The following TMEM114 variants were observed in gnomAD, a reference collection of about 807,000 sequenced individuals.
The protein encoded by TMEM114 is transmembrane protein 114.
In TMEM114, 6 loss-of-function variants were observed where a neutral mutation model predicts 6.2. That is an observed-to-expected ratio of 0.97 (90% CI 0.53 to 1.91). TMEM114 has a LOEUF of 1.91. Ranked by LOEUF, TMEM114 falls within the 40% of genes most tolerant of loss-of-function variation. The pLI, the probability that TMEM114 is intolerant of heterozygous loss-of-function variation, is 0.01. For synonymous variants in TMEM114, 104 were observed against 73.0 expected, an observed-to-expected ratio of 1.42 and a Z score of -2.16; for missense variants, 218 against 158.3, an observed-to-expected ratio of 1.38 and a Z score of -2.02.
chr16:8,550,412 G>A (rs1900803511), intron 2 of TMEM114, among the ~76,000 whole-genome samples: 2 of 152,048 alleles, frequency 1.3e-5, no homozygotes, highest in South Asian at 4.2e-4. Context: ...CGGGTGCGGT[G>A]GCTCACGCCT....
At chr16:8,579,887 A>G (rs1371212401) in intron 2 of TMEM114, among the ~76,000 whole-genome samples, 1 of 152,176 alleles carries the variant, frequency 6.6e-6, no homozygotes, top group Non-Finnish European at 1.5e-5. Context: ...AGACATGGAC[A>G]CGTACTCCAG....
At chr16:8,558,479 G>C (rs565825638) in intron 2 of TMEM114, among the ~76,000 whole-genome samples, 1 of 152,060 alleles carries the variant, frequency 6.6e-6, no homozygotes, top group African/African-American at 2.4e-5. Flanking sequence ...CCAGTCATTG[G>C]TTTTAGGGCC....
At chr16:8,582,486 C>G (rs1157617567) in intron 2 of TMEM114, among the ~76,000 whole-genome samples, 2 of 152,190 alleles carry the variant, frequency 1.3e-5, no homozygotes, top group East Asian at 3.8e-4. Flanking sequence ...ACTCTGAACC[C>G]CAGAAACAGG....
At chr16:8,558,612 A>G (rs1901092725) in intron 2 of TMEM114, among the ~76,000 whole-genome samples, 1 of 152,202 alleles carries the variant, frequency 6.6e-6, no homozygotes, top group Admixed American at 6.5e-5. Context: ...TTTTTGGGGC[A>G]CATGCTTGAA....
the TMEM114 span, among the ~76,000 whole-genome samples, chr16:8,527,146 G>A: frequency 7.9e-5 from 12 of 152,216 alleles, no homozygotes; most frequent in Non-Finnish European, 7.3e-5. Context: ...GGTGGGGGTT[G>A]CAGTGAGCCA....
the TMEM114 span, among the ~76,000 whole-genome samples, chr16:8,529,867 C>T: frequency 6.6e-6 from 1 of 152,136 alleles, no homozygotes; most frequent in South Asian, 2.1e-4. Context: ...AGGTTGACCA[C>T]CACTAAGCTA....
At position 8,553,733 on chromosome 16, in the gene TMEM114, G is replaced by A. The variant is rs574333854; in HGVS notation, n.213-15907C>T. ...CCTGACCTCATGGTCCGCCCACCTC[G>A]GCCTCCCAAAGTGCTGGGATTACAG... is the stretch of plus-strand genomic sequence containing the variant. On this transcript the variant is annotated intron_variant and non_coding_transcript_variant, in intron 2 of 2. Transcript: ENST00000623677. Among the ~76,000 whole-genome samples the A allele has an allele frequency of 1.4e-4, 22 of 151,980 alleles. No homozygotes were observed. In the South Asian group the frequency reaches 2.9e-3, roughly 20 times the overall value.
chr16:8,576,095 G>A (rs1257511068), intron 2 of TMEM114, among the ~76,000 whole-genome samples: 2 of 152,198 alleles, frequency 1.3e-5, no homozygotes, highest in Non-Finnish European at 2.9e-5. Context: ...ATGAGACCCA[G>A]CAAGGGCACC....
At chr16:8,570,399 T>A (rs370308051) in intron 3 of TMEM114, among the ~76,000 whole-genome samples, 3 of 152,276 alleles carry the variant, frequency 2.0e-5, no homozygotes, top group African/African-American at 7.2e-5. Context: ...TGCTGCGATC[T>A]CAGCTTGCTG....
At chr16:8,540,758 T>C (rs1486078532) in intron 2 of TMEM114, among the ~76,000 whole-genome samples, 1 of 152,304 alleles carries the variant, frequency 6.6e-6, no homozygotes, top group Non-Finnish European at 1.5e-5. Context: ...GAGATGGACA[T>C]AAACCAAAGA....
At chr16:8,550,039 A>G (rs1298839386) in intron 2 of TMEM114, among the ~76,000 whole-genome samples, 2 of 152,212 alleles carry the variant, frequency 1.3e-5, no homozygotes, top group African/African-American at 4.8e-5. Context: ...TGTAAGCCCG[A>G]GAGTCCAAAA....
chr16:8,548,118 A>C (rs1036320816), intron 2 of TMEM114, among the ~76,000 whole-genome samples: 6 of 152,188 alleles, frequency 3.9e-5, no homozygotes, highest in Non-Finnish European at 7.3e-5. Flanking sequence ...CCTGTTCTTC[A>C]AATAAGTTAC....
intron 2 of TMEM114, among the ~76,000 whole-genome samples, chr16:8,563,427 GAGTGAGGC>G (rs1210401635): frequency 1.6e-4 from 24 of 147,248 alleles, no homozygotes; most frequent in African/African-American, 3.8e-4. Flanking sequence ...GTGAGTGAAT[GAGTGAGGC>G]AATGAGTAAG....
rs140690325 is a variant in TMEM114 at position 8,558,035 on chromosome 16, C to G, written n.213-20209G>C. On this transcript the variant is annotated intron_variant and non_coding_transcript_variant, in intron 2 of 2. Coordinates refer to the TMEM114 transcript ENST00000623677. Reference sequence around the variant, plus strand: ...TTGGGAGGCTAAGGCAGGCGGATCACCTGATGTCAGGAGCTCGACACCAGC... The same window carrying G: ...TTGGGAGGCTAAGGCAGGCGGATCAGCTGATGTCAGGAGCTCGACACCAGC... 2.6e-3 allele frequency among the ~76,000 whole-genome samples: 395 copies of G among 152,246 alleles called. 3 individuals are homozygous for G. Among genetic ancestry groups the G allele is most frequent in the African/African-American group, 9.1e-3 (379 of 41,536 alleles).
At chr16:8,540,931 G>C (rs1277200225) in intron 2 of TMEM114, among the ~76,000 whole-genome samples, 1 of 152,170 alleles carries the variant, frequency 6.6e-6, no homozygotes, top group Non-Finnish European at 1.5e-5. Flanking sequence ...CAGGTTAAAA[G>C]ACTAAGCAGC....
At position 8,546,921 on chromosome 16, in the gene TMEM114, G is replaced by A. The variant is rs80142382; in HGVS notation, n.213-9095C>T. ...CTTTTTCTTGTTCTTATTTGGTTGG[G>A]CTGCGTTTATTTCTAAAGCTAGCTG... On this transcript the variant is annotated intron_variant and non_coding_transcript_variant, in intron 2 of 2. Coordinates refer to the TMEM114 transcript ENST00000623677. Among the ~76,000 whole-genome samples, 247 of 152,296 alleles carry A rather than the reference G, an allele frequency of 1.6e-3. 1 individual carries two copies. Among genetic ancestry groups the A allele is most frequent in the African/African-American group, 2.6e-3 (108 of 41,566 alleles).
In TMEM114 at chr16:8,569,537, T is replaced by C; in HGVS notation, c.*236A>G. 2 of 1,399,096 alleles carry C rather than the reference T, an allele frequency of 1.4e-6. No homozygotes were observed. Among genetic ancestry groups the C allele is most frequent in the East Asian group, 5.2e-5 (2 of 38,642 alleles). The allele number at this position is 1,399,096 out of a possible 1,614,324, so 86.7% of individuals were successfully genotyped here. ...ATCGTTTTTATTTCTCGCGAAGCGGTTTGGCACTCCCTCGGGCTCCTCCAG... is the reference window on the plus strand; with the variant it reads ...ATCGTTTTTATTTCTCGCGAAGCGGCTTGGCACTCCCTCGGGCTCCTCCAG... On this transcript the variant is annotated 3_prime_UTR_variant, in exon 4 of 4. Transcript: ENST00000620492.
At chr16:8,550,348 T>A (rs1322419556) in intron 2 of TMEM114, among the ~76,000 whole-genome samples, 1 of 152,196 alleles carries the variant, frequency 6.6e-6, no homozygotes, top group East Asian at 1.9e-4. Context: ...ACCATCACAG[T>A]ACCCTAGAAT....
chr16:8,583,554 G>A (rs1902222284), intron 2 of TMEM114, among the ~76,000 whole-genome samples: 1 of 152,054 alleles, frequency 6.6e-6, no homozygotes, highest in Admixed American at 6.5e-5. Context: ...AGACCAGCCT[G>A]GGCAGAATAG....
Sources: gnomAD v4.1 joint callset for allele counts (sites outside exome capture counted in the v4.1 genomes callset) on GRCh38, gnomAD v4.1.1 for gene constraint, MANE v1.5 for transcripts, NCBI Gene and HGNC (gene_info 2026-07-23, HGNC 2026-07-21) for gene names.